CLDN16: variants seen among roughly 807,000 people sequenced by gnomAD.
CLDN16 encodes the protein claudin-16.
In CLDN16, 13 loss-of-function variants were observed where a neutral mutation model predicts 24.6. The observed-to-expected ratio is 0.53, with a 90% confidence interval of 0.34 to 0.84. CLDN16 has a LOEUF of 0.84. Among genes scored for constraint, CLDN16 ranks in the 40% least tolerant of loss-of-function variants. The pLI, the probability that CLDN16 is intolerant of heterozygous loss-of-function variation, is 0.01. For synonymous variants in CLDN16, 116 were observed against 106.7 expected (o/e 1.09, Z -0.54); for missense variants, 298 against 292.7 (o/e 1.02, Z -0.13).
At chr3:190,390,683 C>A (rs1036169753) in intron 1 of CLDN16, among the ~76,000 whole-genome samples, 1 of 152,170 alleles carries the variant, frequency 6.6e-6, no homozygotes, top group Non-Finnish European at 1.5e-5. Flanking sequence ...ATATTTTCCA[C>A]AAATTTGAAG....
intron 1 of CLDN16, among the ~76,000 whole-genome samples, chr3:190,390,449 G>A (rs996771476): frequency 7.2e-5 from 11 of 152,108 alleles, no homozygotes; most frequent in Middle Eastern, 3.2e-3. Context: ...CAGGAGAATC[G>A]CTTGAACTAG....
intron 3 of CLDN16, chr3:190,374,639 T>C (rs567434725): frequency 6.6e-6 from 1 of 152,106 alleles, no homozygotes; most frequent in African/African-American, 2.4e-5. Flanking sequence ...TTCCCACATC[T>C]AGACATTAGC....
intron 2 of CLDN16, among the ~76,000 whole-genome samples, chr3:190,372,749 C>T (rs762758387): frequency 1.3e-5 from 2 of 151,942 alleles, no homozygotes; most frequent in Non-Finnish European, 2.9e-5. Context: ...AATTAGCTTT[C>T]CTTCAATCCT....
chr3:190,348,448 A>G (rs144589493), intron 1 of CLDN16, among the ~76,000 whole-genome samples: 1 of 152,128 alleles, frequency 6.6e-6, no homozygotes, highest in East Asian at 1.9e-4. Flanking sequence ...CCATGGGAAT[A>G]GAAGATATTG....
chr3:190,313,557 T>A, the CLDN16 span, among the ~76,000 whole-genome samples: 2 of 152,198 alleles, frequency 1.3e-5, no homozygotes, highest in African/African-American at 2.4e-5. Flanking sequence ...TTATAGATTA[T>A]CATGGCTGGA....
At chr3:190,323,208 A>G (rs1030913426) in intron 1 of CLDN16, among the ~76,000 whole-genome samples, 2 of 152,060 alleles carry the variant, frequency 1.3e-5, no homozygotes, top group African/African-American at 4.8e-5. Context: ...CCTCCTCCCC[A>G]CAGCAGTTAT....
upstream of CLDN16, chr3:190,387,827 T>A: frequency 2.3e-6 from 1 of 430,138 alleles, no homozygotes; most frequent in Non-Finnish European, 4.4e-6. Flanking sequence ...CGGCGAATAT[T>A]AAAATAGTCC....
chr3:190,407,971 T>G (rs1385683882), intron 3 of CLDN16, among the ~76,000 whole-genome samples: 1 of 152,254 alleles, frequency 6.6e-6, no homozygotes, highest in African/African-American at 2.4e-5. Context: ...TGTTTGGTTT[T>G]GTTTTAGTAT....
chr3:190,406,290 C>T (rs1397750433), intron 3 of CLDN16, among the ~76,000 whole-genome samples: 1 of 152,196 alleles, frequency 6.6e-6, no homozygotes, highest in African/African-American at 2.4e-5. Context: ...ATTTAGAATT[C>T]TTCCCTTCTG....
chr3:190,305,457 C>A, the CLDN16 span, among the ~76,000 whole-genome samples: 1 of 152,158 alleles, frequency 6.6e-6, no homozygotes, highest in Admixed American at 6.6e-5. Flanking sequence ...TGTATGTCCC[C>A]TTTTTATAGA....
intron 1 of CLDN16, among the ~76,000 whole-genome samples, chr3:190,359,046 T>C (rs951458140): frequency 3.3e-5 from 5 of 152,050 alleles, no homozygotes; most frequent in African/African-American, 1.2e-4. Flanking sequence ...TTTTGATACA[T>C]GTATTTACTC....
At chr3:190,342,750 C>T (rs967924348) in intron 1 of CLDN16, among the ~76,000 whole-genome samples, 3 of 152,116 alleles carry the variant, frequency 2.0e-5, no homozygotes, top group Non-Finnish European at 4.4e-5. Context: ...GCTCAGAAAA[C>T]TGGATTTTCA....
the CLDN16 span, among the ~76,000 whole-genome samples, chr3:190,315,827 T>C: frequency 6.6e-6 from 1 of 152,158 alleles, no homozygotes; most frequent in African/African-American, 2.4e-5. Flanking sequence ...CAGAGTAGTC[T>C]TCAAGAGAAG....
At chr3:190,302,971 G>C in the CLDN16 span, among the ~76,000 whole-genome samples, 1 of 151,752 alleles carries the variant, frequency 6.6e-6, no homozygotes, top group Admixed American at 6.6e-5. Flanking sequence ...AAAAGGGCTA[G>C]AGAAATCACA....
At chr3:190,322,235 G>C (rs757845652), upstream of CLDN16, 1 of 1,603,602 alleles carries the variant, frequency 6.2e-7, no homozygotes, top group Non-Finnish European at 8.5e-7. Context: ...CGCTGGCTCA[G>C]GGGTGGCAGG....
At chr3:190,291,084 T>C in the CLDN16 span, among the ~76,000 whole-genome samples, 1 of 152,156 alleles carries the variant, frequency 6.6e-6, no homozygotes, top group East Asian at 1.9e-4. Context: ...TGCGGAACCA[T>C]AGCATGTGGA....
intron 1 of CLDN16, among the ~76,000 whole-genome samples, chr3:190,360,678 T>C (rs1717869368): frequency 6.6e-6 from 1 of 151,960 alleles, no homozygotes; most frequent in African/African-American, 2.4e-5. Context: ...CTTTGTTCTC[T>C]TTTTCCTCCT....
At chr3:190,407,733 A>G (rs1347337112) in intron 3 of CLDN16, among the ~76,000 whole-genome samples, 1 of 152,200 alleles carries the variant, frequency 6.6e-6, no homozygotes, top group Non-Finnish European at 1.5e-5. Context: ...GATTTATTTG[A>G]AAATAAAAAC....
At chr3:190,298,425 T>G in the CLDN16 span, among the ~76,000 whole-genome samples, 1 of 150,988 alleles carries the variant, frequency 6.6e-6, no homozygotes, top group African/African-American at 2.4e-5. Flanking sequence ...AAAAATGATA[T>G]TACGTGCAAT....
Sources: allele counts gnomAD v4.1 joint callset (sites outside exome capture counted in the v4.1 genomes callset), GRCh38; gene constraint gnomAD v4.1.1; transcripts MANE v1.5; gene names NCBI Gene and HGNC (gene_info 2026-07-23, HGNC 2026-07-21).